The following CTNNBL1 variants were observed in gnomAD, a reference collection of about 807,000 sequenced individuals.
The protein encoded by CTNNBL1 is catenin beta like 1, also known as beta-catenin-like protein 1.
Under a neutral mutation model 72.7 loss-of-function variants are expected in CTNNBL1, and 31 were observed. The ratio of observed to expected loss-of-function variants is 0.43; its 90% CI spans 0.32 to 0.58. The LOEUF (loss-of-function observed/expected upper bound fraction) is 0.58. CTNNBL1 is among the 20% of genes least tolerant of loss of function. The pLI is 0.08. For synonymous variants in CTNNBL1, 240 were observed against 267.3 expected, an observed-to-expected ratio of 0.90 and a Z score of 1.00; for missense variants, 534 against 725.1, an observed-to-expected ratio of 0.74 and a Z score of 3.03.
At chr20:37,751,870 G>A (rs750647837) in intron 4 of CTNNBL1, among the ~76,000 whole-genome samples, 44 of 152,172 alleles carry the variant, frequency 2.9e-4, no homozygotes, top group Admixed American at 2.1e-3. Context: ...AGCTATATTT[G>A]TCTTGATATT....
intron 11 of CTNNBL1, among the ~76,000 whole-genome samples, chr20:37,823,998 G>T (rs902648448): frequency 7.2e-5 from 11 of 152,046 alleles, no homozygotes; most frequent in Non-Finnish European, 1.5e-4. Flanking sequence ...AGTTGGGTGG[G>T]GGTAGGGAGA....
At chr20:37,735,211 T>TTCCCC (rs2073161384) in intron 2 of CTNNBL1, among the ~76,000 whole-genome samples, 1 of 152,116 alleles carries the variant, frequency 6.6e-6, no homozygotes, top group Non-Finnish European at 1.5e-5. Context: ...ATCCCCTTCC[T>TTCCCC]TCCCCTCCCC....
At chr20:37,697,569 T>C in intron 1 of CTNNBL1, among the ~76,000 whole-genome samples, 1 of 152,200 alleles carries the variant, frequency 6.6e-6, no homozygotes, top group Non-Finnish European at 1.5e-5. Flanking sequence ...TAGGCCTTCC[T>C]TGTGGGCCAC....
At chr20:37,843,513 T>G (rs564659827) in intron 13 of CTNNBL1, among the ~76,000 whole-genome samples, 1 of 152,352 alleles carries the variant, frequency 6.6e-6, no homozygotes, top group African/African-American at 2.4e-5. Context: ...ATCTGTCCTG[T>G]TTCTCTTTGC....
intron 13 of CTNNBL1, among the ~76,000 whole-genome samples, chr20:37,848,565 G>A (rs1350195172): frequency 2.6e-5 from 4 of 152,112 alleles, no homozygotes; most frequent in Admixed American, 1.3e-4. Flanking sequence ...GGCAGAGGAC[G>A]TCGTGCTTTT....
chr20:37,707,703 G>A (rs1464901376), intron 1 of CTNNBL1, among the ~76,000 whole-genome samples: 1 of 152,212 alleles, frequency 6.6e-6, no homozygotes, highest in Non-Finnish European at 1.5e-5. Flanking sequence ...TCCTTCAAGA[G>A]CTTTTCCTGT....
chr20:37,737,639 CA>C (rs1383625441), intron 3 of CTNNBL1, among the ~76,000 whole-genome samples, 155 bp downstream of exon 3: 2 of 152,100 alleles, frequency 1.3e-5, no homozygotes, highest in African/African-American at 4.8e-5. Flanking sequence ...TCCCAGGACT[CA>C]AAGTCAGTGA....
intron 13 of CTNNBL1, among the ~76,000 whole-genome samples, chr20:37,855,772 G>A (rs920719920): frequency 5.9e-5 from 9 of 152,142 alleles, no homozygotes; most frequent in Non-Finnish European, 1.0e-4. Flanking sequence ...GACTTCTCTG[G>A]CCAGCCTGTA....
intron 11 of CTNNBL1, among the ~76,000 whole-genome samples, chr20:37,817,491 G>C (rs1304465331): frequency 6.6e-6 from 1 of 152,212 alleles, no homozygotes; most frequent in Non-Finnish European, 1.5e-5. Flanking sequence ...AGTTTCAGTA[G>C]CAGGGTGGTG....
intron 1 of CTNNBL1, among the ~76,000 whole-genome samples, chr20:37,699,881 A>G (rs1306810368): frequency 1.3e-5 from 2 of 152,108 alleles, no homozygotes; most frequent in East Asian, 1.9e-4. Flanking sequence ...TGGTTTGCAG[A>G]TTTTTGAGCT....
chr20:37,843,714 A>G (rs946738699), intron 13 of CTNNBL1, among the ~76,000 whole-genome samples: 1 of 152,180 alleles, frequency 6.6e-6, no homozygotes, highest in African/African-American at 2.4e-5. Context: ...ATGAGGGAAA[A>G]CATGAAGCTT....
intron 7 of CTNNBL1, among the ~76,000 whole-genome samples, chr20:37,773,283 G>A (rs1052372689): frequency 6.6e-6 from 1 of 152,236 alleles, no homozygotes; most frequent in South Asian, 2.1e-4. Context: ...TGCCCCATGT[G>A]TTCCAGGTAG....
chr20:37,860,362 C>A lies in CTNNBL1; in HGVS notation c.1603+18C>A. On this transcript the variant is annotated intron_variant, in intron 15 of 15. Coordinates refer to ENST00000361383, the MANE Select transcript of CTNNBL1 (RefSeq NM_030877.5). Reference sequence around the variant, plus strand: ...CATCAAGGGTGAGTTGGATGCTACTCATGTCTGGGGCTCCAGAGGATTAGA... The same window carrying A: ...CATCAAGGGTGAGTTGGATGCTACTAATGTCTGGGGCTCCAGAGGATTAGA... 1 of 1,579,990 alleles carries A rather than the reference C, an allele frequency of 6.3e-7. No individual in the cohort carries two copies. The highest frequency in any genetic ancestry group is 8.7e-7 in the Non-Finnish European group (1 of 1,148,882).
chr20:37,826,923 T>C (rs2072165213), intron 11 of CTNNBL1, among the ~76,000 whole-genome samples: 1 of 152,230 alleles, frequency 6.6e-6, no homozygotes, highest in African/African-American at 2.4e-5. Flanking sequence ...ATTTGAGTGA[T>C]GATAAATACA....
chr20:37,801,958 T>A (rs1280010042), intron 10 of CTNNBL1, among the ~76,000 whole-genome samples: 1 of 152,252 alleles, frequency 6.6e-6, no homozygotes, highest in African/African-American at 2.4e-5. Flanking sequence ...CTAAGGAATC[T>A]ACTAAAAGAT....
intron 11 of CTNNBL1, among the ~76,000 whole-genome samples, chr20:37,817,740 C>T (rs376451862): frequency 2.6e-4 from 39 of 152,322 alleles, no homozygotes; most frequent in African/African-American, 8.7e-4. Flanking sequence ...CCCCAGGTAA[C>T]GCTGAGGCTG....
intron 1 of CTNNBL1, among the ~76,000 whole-genome samples, chr20:37,707,814 A>T (rs570231588): frequency 1.3e-5 from 2 of 152,254 alleles, no homozygotes; most frequent in Admixed American, 6.5e-5. Flanking sequence ...ATAGCTTTTG[A>T]TTTAAAGTGA....
chr20:37,844,279 C>A lies in CTNNBL1; in HGVS notation c.1392+1860C>A, dbSNP rs568925375. 4.4e-3 allele frequency among the ~76,000 whole-genome samples: 664 copies of A among 152,292 alleles called. 9 individuals carry two copies. The highest frequency in any genetic ancestry group is 6.7e-3 in the Non-Finnish European group (454 of 68,018). Reference sequence around the variant, plus strand: ...AGGGGACCTAGGATTTAAGAGCAAGCACCACCTTTAAATCACTGCTTGTCA... The same window carrying A: ...AGGGGACCTAGGATTTAAGAGCAAGAACCACCTTTAAATCACTGCTTGTCA... On this transcript the variant is annotated intron_variant, in intron 13 of 15. Transcript: ENST00000361383.
intron 10 of CTNNBL1, among the ~76,000 whole-genome samples, chr20:37,787,935 C>G (rs752838435): frequency 6.6e-6 from 1 of 152,250 alleles, no homozygotes; most frequent in South Asian, 2.1e-4. Flanking sequence ...AAGATCTGGC[C>G]TCTGCCTCAT....
Sources: gnomAD v4.1 joint callset for allele counts (sites outside exome capture counted in the v4.1 genomes callset) on GRCh38, gnomAD v4.1.1 for gene constraint, MANE v1.5 for transcripts, NCBI Gene and HGNC (gene_info 2026-07-23, HGNC 2026-07-21) for gene names.